Variants in UPP2 observed in about 807,000 individuals in gnomAD.
The protein encoded by UPP2 is UPase 2.
Under a neutral mutation model 26.7 loss-of-function variants are expected in UPP2, and 23 were observed. The ratio of observed to expected loss-of-function variants is 0.86; its 90% confidence interval spans 0.62 to 1.22. The LOEUF is 1.22. UPP2 is among the 50% of genes most tolerant of loss of function. The pLI, the probability that UPP2 is intolerant of heterozygous loss-of-function variation, is 0.00. For synonymous variants in UPP2, 127 were observed against 141.3 expected (o/e 0.90, Z 0.72); for missense variants, 387 against 396.7 (o/e 0.98, Z 0.21).
At chr2:158,037,298 C>T (rs55801682) in intron 3 of UPP2, among the ~76,000 whole-genome samples, 7,413 of 152,096 alleles carry the variant, frequency 0.049, 562 homozygotes, top group African/African-American at 0.16. Flanking sequence ...TCGCGTGAAC[C>T]TGGGAGGCGG....
chr2:158,018,300 AGACGG>A (rs1683692943), intron 3 of UPP2, among the ~76,000 whole-genome samples: 1 of 152,260 alleles, frequency 6.6e-6, no homozygotes, highest in Non-Finnish European at 1.5e-5. Context: ...AGTCTTATTA[AGACGG>A]TTTGGATTAT....
chr2:158,134,242 G>C (rs1315339330), intron 6 of UPP2, among the ~76,000 whole-genome samples: 1 of 152,126 alleles, frequency 6.6e-6, no homozygotes, highest in Non-Finnish European at 1.5e-5. Context: ...TATTTCCTGA[G>C]GTCAGCGTTC....
chr2:158,074,536 A>G (rs1682595947), intron 3 of UPP2, among the ~76,000 whole-genome samples: 2 of 152,166 alleles, frequency 1.3e-5, no homozygotes, highest in African/African-American at 4.8e-5. Flanking sequence ...GGGTTATATG[A>G]CAGTATTTAC....
intron 3 of UPP2, among the ~76,000 whole-genome samples, chr2:158,067,736 T>C (rs1215907893): frequency 6.6e-6 from 1 of 152,174 alleles, no homozygotes; most frequent in East Asian, 1.9e-4. Context: ...TCAGTAGTTA[T>C]CAATGATTGG....
At chr2:158,017,669 G>A (rs917994770) in intron 3 of UPP2, among the ~76,000 whole-genome samples, 3 of 152,146 alleles carry the variant, frequency 2.0e-5, no homozygotes, top group African/African-American at 4.8e-5. Context: ...GTAGTTATTC[G>A]TTTTTGGGCA....
At chr2:158,119,492 G>A (rs1683514960) in intron 4 of UPP2, among the ~76,000 whole-genome samples, 1 of 152,020 alleles carries the variant, frequency 6.6e-6, no homozygotes, top group Admixed American at 6.5e-5. Context: ...TCGCTCACAT[G>A]ATCCCTTCCT....
At chr2:158,108,636 G>T (rs1483314580) in intron 2 of UPP2, among the ~76,000 whole-genome samples, 3 of 151,658 alleles carry the variant, frequency 2.0e-5, no homozygotes, top group Non-Finnish European at 4.4e-5. Flanking sequence ...CACACACATA[G>T]TTGTCTCATC....
chr2:158,018,543 AG>A (rs1312917252), intron 3 of UPP2, among the ~76,000 whole-genome samples: 2 of 152,198 alleles, frequency 1.3e-5, no homozygotes, highest in African/African-American at 4.8e-5. Context: ...GCAGAAGAGC[AG>A]GCTGCAAGGC....
chr2:158,044,351 G>T (rs893803347), intron 3 of UPP2, among the ~76,000 whole-genome samples: 11 of 152,092 alleles, frequency 7.2e-5, no homozygotes. Flanking sequence ...CTGCACTGAG[G>T]CAAATCCAAC....
chr2:158,067,209 A>G (rs1682450511), intron 3 of UPP2, among the ~76,000 whole-genome samples: 1 of 152,172 alleles, frequency 6.6e-6, no homozygotes, highest in Admixed American at 6.6e-5. Context: ...AATTGATAAA[A>G]TGGTGATGTG....
intron 3 of UPP2, among the ~76,000 whole-genome samples, chr2:158,081,953 A>T (rs1480805662): frequency 1.4e-5 from 2 of 144,938 alleles, no homozygotes; most frequent in African/African-American, 2.5e-5. Context: ...TACATGAATA[A>T]TTTTTTTTTT....
chr2:158,025,281 T>C (rs988169915), intron 3 of UPP2, among the ~76,000 whole-genome samples: 3 of 150,796 alleles, frequency 2.0e-5, no homozygotes, highest in Non-Finnish European at 4.4e-5. Flanking sequence ...ATGCTCTGGA[T>C]AAATGCAATA....
At chr2:158,021,911 C>A (rs986688409) in intron 3 of UPP2, among the ~76,000 whole-genome samples, 4 of 152,102 alleles carry the variant, frequency 2.6e-5, no homozygotes, top group African/African-American at 9.7e-5. Context: ...GAGATCAGAT[C>A]ATTATCATTT....
chr2:158,038,091 G>A (rs1480671136), intron 3 of UPP2, among the ~76,000 whole-genome samples: 8 of 152,140 alleles, frequency 5.3e-5, no homozygotes, highest in Admixed American at 4.6e-4. Flanking sequence ...AAAAGACAAA[G>A]GCTCTATATT....
At chr2:158,011,773 A>G (rs1683583505) in intron 2 of UPP2, among the ~76,000 whole-genome samples, 1 of 152,200 alleles carries the variant, frequency 6.6e-6, no homozygotes, top group African/African-American at 2.4e-5. Context: ...TCTCCTGTCT[A>G]TGCCTGGCAC....
At chr2:158,015,340 CT>C (rs1002556985) in intron 2 of UPP2, among the ~76,000 whole-genome samples, 4 of 152,276 alleles carry the variant, frequency 2.6e-5, no homozygotes, top group Middle Eastern at 3.4e-3. Flanking sequence ...CAGTATTGAT[CT>C]TTTTTTGTGA....
chr2:158,049,739 T>A (rs1172149510), intron 3 of UPP2, among the ~76,000 whole-genome samples: 8 of 152,202 alleles, frequency 5.3e-5, no homozygotes, highest in Non-Finnish European at 2.9e-5. Context: ...CAGTCTGTAG[T>A]AGAACAGTCT....
chr2:158,088,902 C>T (rs1254433515), intron 3 of UPP2, among the ~76,000 whole-genome samples: 1 of 152,144 alleles, frequency 6.6e-6, no homozygotes, highest in African/African-American at 2.4e-5. Flanking sequence ...GTGAAGTGGA[C>T]TCTGTGAGGG....
intron 3 of UPP2, among the ~76,000 whole-genome samples, chr2:158,058,780 G>A (rs959293560): frequency 1.5e-4 from 23 of 151,976 alleles, no homozygotes. Context: ...ACGAACCCTG[G>A]TTCCTTTTAT....
Sources: gnomAD v4.1 joint callset for allele counts (sites outside exome capture counted in the v4.1 genomes callset) on GRCh38, gnomAD v4.1.1 for gene constraint, MANE v1.5 for transcripts, NCBI Gene and HGNC (gene_info 2026-07-23, HGNC 2026-07-21) for gene names.